ATRNL1: variants seen among roughly 807,000 people sequenced by gnomAD.
ATRNL1 encodes attractin like 1, also known as attractin-like protein 1.
In ATRNL1, 95 loss-of-function variants were observed where a neutral mutation model predicts 182.7. The ratio of observed to expected loss-of-function variants is 0.52; its 90% CI spans 0.44 to 0.62. ATRNL1 has a LOEUF of 0.62. Ranked by LOEUF, ATRNL1 falls within the 20% of genes least tolerant of loss-of-function variation. The pLI is 0.00. For synonymous variants in ATRNL1, 576 were observed against 568.3 expected (o/e 1.01, Z -0.19); for missense variants, 1,471 against 1,679.5 (o/e 0.88, Z 2.17).
intron 28 of ATRNL1, among the ~76,000 whole-genome samples, chr10:115,851,865 A>T (rs1397049153): frequency 6.6e-6 from 1 of 152,108 alleles, no homozygotes; most frequent in Non-Finnish European, 1.5e-5. Context: ...TGAAAGATTG[A>T]CATCTCCATG....
chr10:115,496,462 T>A (rs1170728825), intron 24 of ATRNL1, among the ~76,000 whole-genome samples: 5 of 152,178 alleles, frequency 3.3e-5, no homozygotes, highest in African/African-American at 1.2e-4. Flanking sequence ...TTGGTTTAAT[T>A]GAAAGCTTTT....
intron 28 of ATRNL1, among the ~76,000 whole-genome samples, chr10:115,941,675 T>C (rs1953734054): frequency 6.6e-6 from 1 of 152,220 alleles, no homozygotes. Flanking sequence ...TCTGGATTAG[T>C]TGGTGCCAGG....
intron 26 of ATRNL1, among the ~76,000 whole-genome samples, chr10:115,712,818 A>C (rs1189594302): frequency 6.6e-6 from 1 of 151,986 alleles, no homozygotes; most frequent in African/African-American, 2.4e-5. Flanking sequence ...CAGTGAGCCA[A>C]GATTGTGCCA....
intron 28 of ATRNL1, among the ~76,000 whole-genome samples, chr10:115,895,326 T>C (rs1169819193): frequency 3.3e-5 from 5 of 152,168 alleles, no homozygotes; most frequent in African/African-American, 1.2e-4. Flanking sequence ...CTGGAGGTAT[T>C]TGTTGTCATT....
intron 24 of ATRNL1, among the ~76,000 whole-genome samples, chr10:115,506,454 A>G (rs1305570977): frequency 6.6e-6 from 1 of 151,990 alleles, no homozygotes; most frequent in Non-Finnish European, 1.5e-5. Flanking sequence ...ACAAAACCCC[A>G]ATTTAGCTAC....
At chr10:115,196,965 T>G (rs1848386829) in intron 8 of ATRNL1, among the ~76,000 whole-genome samples, 1 of 152,186 alleles carries the variant, frequency 6.6e-6, no homozygotes, top group Non-Finnish European at 1.5e-5. Context: ...CAGATATTCC[T>G]GCCTTTTCCC....
Position 115,665,124 on chromosome 10 carries a change from T to C in ATRNL1, c.3796-62124T>C, listed in dbSNP as rs140810519. 2.7e-3 allele frequency among the ~76,000 whole-genome samples: 410 copies of C among 152,220 alleles called. 1 individual carries two copies. The highest frequency in any genetic ancestry group is 9.1e-3 in the African/African-American group (380 of 41,550). On this transcript the variant is annotated intron_variant, in intron 26 of 28. Transcript: ENST00000355044. ...GAATGTAGTTCAATAGAAGAGGCAA[T>C]ATGTTTGTTGTTGTGGCCAGCATTA...
At chr10:115,163,726 C>T (rs564107588) in intron 6 of ATRNL1, among the ~76,000 whole-genome samples, 5 of 152,152 alleles carry the variant, frequency 3.3e-5, no homozygotes, top group South Asian at 2.1e-4. Context: ...CATTGTGGCC[C>T]ACAAAGCCTA....
rs76505973 is a variant in ATRNL1 at position 115,765,283 on chromosome 10, G to C, written c.3903+37928G>C. Among the ~76,000 whole-genome samples the C allele has an allele frequency of 5.4e-3, 818 of 152,252 alleles. 5 individuals carry two copies. The highest frequency in any genetic ancestry group is 8.5e-3 in the Non-Finnish European group (581 of 68,016). Reference sequence around the variant, plus strand: ...TGACTTTACCATTTTGCATTCCCGTGAGCAAAGAATGAGAATTCCTGTTGT... The same window carrying C: ...TGACTTTACCATTTTGCATTCCCGTCAGCAAAGAATGAGAATTCCTGTTGT... On this transcript the variant is annotated intron_variant, in intron 27 of 28. Transcript: ENST00000355044.
chr10:115,508,048 C>G (rs1054712267), intron 24 of ATRNL1, among the ~76,000 whole-genome samples: 1 of 151,964 alleles, frequency 6.6e-6, no homozygotes, highest in Non-Finnish European at 1.5e-5. Context: ...CAAGTCTGTT[C>G]GTGCAATTTT....
chr10:115,777,490 T>C (rs782016352), intron 27 of ATRNL1, among the ~76,000 whole-genome samples: 9 of 152,162 alleles, frequency 5.9e-5, no homozygotes, highest in Non-Finnish European at 1.0e-4. Flanking sequence ...CTGTAATAGA[T>C]CTTGAAATTC....
chr10:115,536,126 C>G (rs1851979735), intron 25 of ATRNL1, among the ~76,000 whole-genome samples: 1 of 152,120 alleles, frequency 6.6e-6, no homozygotes, highest in South Asian at 2.1e-4. Context: ...GGGAGAACCA[C>G]TGCTCTCTTC....
At chr10:115,828,788 C>CTG (rs782377165) in intron 27 of ATRNL1, among the ~76,000 whole-genome samples, 2 of 152,158 alleles carry the variant, frequency 1.3e-5, no homozygotes, top group African/African-American at 4.8e-5. Flanking sequence ...TCGATCTAGT[C>CTG]TGTGCGAGTA....
At chr10:115,835,397 G>A (rs1024143113) in intron 27 of ATRNL1, among the ~76,000 whole-genome samples, 1 of 152,122 alleles carries the variant, frequency 6.6e-6, no homozygotes, top group East Asian at 1.9e-4. Context: ...TAGCCATGGA[G>A]TTAGCACCAA....
chr10:115,637,338 G>A (rs1284278580), intron 26 of ATRNL1, among the ~76,000 whole-genome samples: 2 of 151,930 alleles, frequency 1.3e-5, no homozygotes, highest in East Asian at 3.9e-4. Flanking sequence ...ATGTGGAGGT[G>A]GAAGACAGTG....
chr10:115,795,905 A>G (rs1949643620), intron 27 of ATRNL1, among the ~76,000 whole-genome samples: 2 of 152,110 alleles, frequency 1.3e-5, no homozygotes, highest in South Asian at 4.2e-4. Flanking sequence ...TCCCCCATTC[A>G]ATCTCCAAAA....
chr10:115,819,721 A>T (rs549527636), intron 27 of ATRNL1: 8 of 152,286 alleles, frequency 5.3e-5, no homozygotes, highest in Admixed American at 3.3e-4. Context: ...AAGTAAATTC[A>T]GTATAGATGC....
chr10:115,762,823 C>A (rs1245682629), intron 27 of ATRNL1, among the ~76,000 whole-genome samples: 2 of 152,030 alleles, frequency 1.3e-5, no homozygotes, highest in Admixed American at 6.6e-5. Context: ...TGAATTTCTT[C>A]AGTGGCTTAG....
intron 25 of ATRNL1, among the ~76,000 whole-genome samples, chr10:115,520,444 A>G (rs1443060158): frequency 6.6e-6 from 1 of 152,182 alleles, no homozygotes; most frequent in Non-Finnish European, 1.5e-5. Context: ...CTTTTCTGCT[A>G]TAGTGTTAAA....
Sources: allele counts gnomAD v4.1 joint callset (sites outside exome capture counted in the v4.1 genomes callset), GRCh38; gene constraint gnomAD v4.1.1; transcripts MANE v1.5; gene names NCBI Gene and HGNC (gene_info 2026-07-23, HGNC 2026-07-21).